TBC1D15: variants seen among roughly 807,000 people sequenced by gnomAD.
The protein encoded by TBC1D15 is GAP for RAB7.
A neutral mutation model predicts 95.4 loss-of-function variants in TBC1D15; 39 were observed. The observed-to-expected ratio is 0.41, with a 90% confidence interval of 0.32 to 0.53. The LOEUF (loss-of-function observed/expected upper bound fraction) is 0.53, where lower values mean the gene tolerates loss of function less well. Ranked by LOEUF, TBC1D15 falls within the 20% of genes least tolerant of loss-of-function variation. The pLI is 0.29. For synonymous variants in TBC1D15, 258 were observed against 261.3 expected (o/e 0.99, Z 0.12); for missense variants, 733 against 794.3 (o/e 0.92, Z 0.93).
chr12:71,876,520 GT>G (rs1156664880), intron 3 of TBC1D15, among the ~76,000 whole-genome samples: 1 of 152,088 alleles, frequency 6.6e-6, no homozygotes, highest in Non-Finnish European at 1.5e-5. Flanking sequence ...TGCTCTTTTA[GT>G]TTGCAGTGCA....
chr12:71,906,009 A>T (rs780724623), intron 10 of TBC1D15, among the ~76,000 whole-genome samples: 1 of 151,996 alleles, frequency 6.6e-6, no homozygotes, highest in Non-Finnish European at 1.5e-5. Context: ...AGTAGCTGAG[A>T]TTACAGATGC....
intron 5 of TBC1D15, 117 bp from the exon 6 acceptor site, chr12:71,893,105 G>T (rs61924147): frequency 0.075 from 41,553 of 555,240 alleles, 1,995 homozygotes; most frequent in South Asian, 0.096. Context: ...ATGGAAAACT[G>T]TTAAAATATT....
At chr12:71,850,074 T>C (rs1386301775) in intron 1 of TBC1D15, 1 of 518,192 alleles carries the variant, frequency 1.9e-6, no homozygotes, top group African/African-American at 2.0e-5. Flanking sequence ...GCTGTGAGTT[T>C]AAATTATGAT....
rs139918145 is a variant in TBC1D15 at position 71,887,432 on chromosome 12, C to T, written c.554+2411C>T. ...ATTAAATAAAATCCAAACTTCTTCA[C>T]TGTCATCAACAAGGGCCTGCCCTAT... On this transcript the variant is annotated intron_variant, in intron 5 of 16. Coordinates refer to ENST00000485960, the MANE Select transcript of TBC1D15 (RefSeq NM_001146213.3). 7.2e-5 allele frequency among the ~76,000 whole-genome samples: 11 copies of T among 152,292 alleles called. No individual in the cohort carries two copies. The East Asian group carries it at 2.1e-3, about 29-fold the overall frequency.
intron 10 of TBC1D15, among the ~76,000 whole-genome samples, chr12:71,906,071 C>T (rs1044393409): frequency 6.6e-6 from 1 of 152,036 alleles, no homozygotes; most frequent in Non-Finnish European, 1.5e-5. Flanking sequence ...CAGGGTTTCG[C>T]CATGTTGGCC....
At position 71,889,549 on chromosome 12, in the gene TBC1D15, T is replaced by C. The variant is rs1042918786; in HGVS notation, c.555-3673T>C. Among the ~76,000 whole-genome samples the C allele has an allele frequency of 8.6e-5, 13 of 151,884 alleles. No homozygotes were observed. The Admixed American group carries it at 8.7e-4, about 10-fold the overall frequency. On this transcript the variant is annotated intron_variant, in intron 5 of 16. Coordinates refer to ENST00000485960, the MANE Select transcript of TBC1D15 (RefSeq NM_001146213.3). ...AGTAGAATAAAGCTATTCCAAGTAG[T>C]AGAATAAAGCTATTCCAAGTAAATA...
At chr12:71,861,914 A>T (rs917570900) in intron 1 of TBC1D15, among the ~76,000 whole-genome samples, 1 of 122,512 alleles carries the variant, frequency 8.2e-6, no homozygotes, top group Admixed American at 8.0e-5. Flanking sequence ...AGAAATTTAA[A>T]AAAATTACTT....
intron 11 of TBC1D15, 83 bp from the exon 12 acceptor site, chr12:71,913,743 G>T: frequency 1.2e-6 from 1 of 850,160 alleles, no homozygotes; most frequent in Non-Finnish European, 1.8e-6. Context: ...ACAATTTTAA[G>T]CGAAATGGTG....
At chr12:71,892,188 C>A (rs115141357) in intron 5 of TBC1D15, among the ~76,000 whole-genome samples, 2,191 of 152,034 alleles carry the variant, frequency 0.014, 54 homozygotes, top group African/African-American at 0.05. Context: ...AACCTCAGCC[C>A]CTTTTGAAAG....
At position 71,882,787 on chromosome 12, in the gene TBC1D15, A is replaced by T. The variant is rs1258508073; in HGVS notation, c.344-2024A>T. On this transcript the variant is annotated intron_variant, in intron 4 of 16. Coordinates refer to ENST00000485960, the MANE Select transcript of TBC1D15 (RefSeq NM_001146213.3). ...CACTGAGGATATGGCTGTGAACAAG[A>T]TAAAGTTCCTGTTCTCATGAAGCTT... Among the ~76,000 whole-genome samples, 54 of 152,204 alleles carry T rather than the reference A, an allele frequency of 3.5e-4. 1 individual carries two copies. Among genetic ancestry groups the T allele is most frequent in the Admixed American group, 3.5e-3 (54 of 15,282 alleles).
intron 1 of TBC1D15, among the ~76,000 whole-genome samples, chr12:71,853,380 A>G (rs982391950): frequency 1.3e-5 from 2 of 152,050 alleles, no homozygotes; most frequent in African/African-American, 4.8e-5. Context: ...TTTAACATCA[A>G]ATTTGGGCAG....
intron 4 of TBC1D15, among the ~76,000 whole-genome samples, chr12:71,882,398 A>G (rs966891047): frequency 5.3e-5 from 8 of 152,312 alleles, no homozygotes; most frequent in African/African-American, 1.7e-4. Context: ...TATTTAAGGC[A>G]TATAGAGACT....
intron 10 of TBC1D15, among the ~76,000 whole-genome samples, chr12:71,904,517 A>T (rs1439685640): frequency 2.0e-5 from 3 of 152,184 alleles, no homozygotes; most frequent in Non-Finnish European, 4.4e-5. Flanking sequence ...GTACAGTAGA[A>T]AGGAAAAACT....
intron 3 of TBC1D15, among the ~76,000 whole-genome samples, chr12:71,877,233 C>T: frequency 1.4e-5 from 2 of 145,530 alleles, no homozygotes; most frequent in Admixed American, 1.4e-4. Flanking sequence ...TTAAACCTCT[C>T]TAGAAGCTTT....
intron 3 of TBC1D15, among the ~76,000 whole-genome samples, chr12:71,878,236 C>T (rs1430816027): frequency 6.6e-6 from 1 of 150,926 alleles, no homozygotes; most frequent in Non-Finnish European, 1.5e-5. Flanking sequence ...TTCCTTTGCT[C>T]ATTGTGTTTG....
At chr12:71,859,960 T>C (rs328786) in intron 1 of TBC1D15, among the ~76,000 whole-genome samples, 4,186 of 152,294 alleles carry the variant, frequency 0.027, 196 homozygotes, top group African/African-American at 0.094. Flanking sequence ...GGTAGTGTTC[T>C]AGTTTCATTT....
intron 4 of TBC1D15, among the ~76,000 whole-genome samples, chr12:71,882,094 T>G (rs538982413): frequency 6.6e-6 from 1 of 152,042 alleles, no homozygotes; most frequent in African/African-American, 2.4e-5. Flanking sequence ...GAAAAAGCTT[T>G]TGTTTTTCTT....
At chr12:71,903,078 A>G (rs1277979397) in intron 10 of TBC1D15, among the ~76,000 whole-genome samples, 1 of 152,028 alleles carries the variant, frequency 6.6e-6, no homozygotes, top group Non-Finnish European at 1.5e-5. Context: ...CGGCAGGCTA[A>G]TTTTAGAATT....
chr12:71,908,144 G>A (rs1296534050), intron 11 of TBC1D15, among the ~76,000 whole-genome samples: 2 of 152,146 alleles, frequency 1.3e-5, no homozygotes, highest in African/African-American at 4.8e-5. Flanking sequence ...TTACACTCCA[G>A]CCTGGGTGAC....
Sources: gnomAD v4.1 joint callset for allele counts (sites outside exome capture counted in the v4.1 genomes callset) on GRCh38, gnomAD v4.1.1 for gene constraint, MANE v1.5 for transcripts, NCBI Gene and HGNC (gene_info 2026-07-23, HGNC 2026-07-21) for gene names.